MALRD1: variants seen among roughly 807,000 people sequenced by gnomAD.
MALRD1 encodes MAM and LDL receptor class A domain containing 1.
In MALRD1, 247 loss-of-function variants were observed where a neutral mutation model predicts 242.1. That is an observed-to-expected ratio of 1.02 (90% CI 0.92 to 1.13). MALRD1 has a LOEUF of 1.13. Ranked by LOEUF, MALRD1 falls within the 50% of genes most tolerant of loss-of-function variation. The pLI is 0.00. For synonymous variants in MALRD1, 995 were observed against 866.6 expected, an observed-to-expected ratio of 1.15 and a Z score of -2.60; for missense variants, 2,989 against 2,533.1, an observed-to-expected ratio of 1.18 and a Z score of -3.86.
intron 36 of MALRD1, among the ~76,000 whole-genome samples, chr10:19,674,212 A>G (rs1268879105): frequency 6.6e-6 from 1 of 152,176 alleles, no homozygotes; most frequent in Non-Finnish European, 1.5e-5. Context: ...GAATGGCGTA[A>G]CCTCATCTCC....
At chr10:19,312,263 A>G (rs1033222968) in intron 21 of MALRD1, among the ~76,000 whole-genome samples, 2 of 151,244 alleles carry the variant, frequency 1.3e-5, no homozygotes, top group African/African-American at 4.8e-5. Context: ...GAATGTTTAT[A>G]TCCAAGGGTC....
chr10:19,503,106 A>C (rs1314304412), intron 31 of MALRD1, among the ~76,000 whole-genome samples: 1 of 152,212 alleles, frequency 6.6e-6, no homozygotes, highest in Non-Finnish European at 1.5e-5. Context: ...CTTGTTAATC[A>C]CTACTTGAGA....
chr10:19,605,899 C>G (rs1409735), intron 34 of MALRD1, among the ~76,000 whole-genome samples: 1 of 152,002 alleles, frequency 6.6e-6, no homozygotes. Flanking sequence ...ATTCTCAGTT[C>G]TAAGACACTG....
chr10:19,728,207 C>A (rs552864055), intron 38 of MALRD1, among the ~76,000 whole-genome samples: 1 of 152,234 alleles, frequency 6.6e-6, no homozygotes, highest in Non-Finnish European at 1.5e-5. Context: ...CACTGAAACC[C>A]TTTCTTCTTT....
chr10:19,176,276 T>A (rs1835227767), intron 14 of MALRD1, among the ~76,000 whole-genome samples: 1 of 151,816 alleles, frequency 6.6e-6, no homozygotes, highest in Non-Finnish European at 1.5e-5. Flanking sequence ...TTGGGTCACA[T>A]GATTCTGGAT....
At chr10:19,256,951 A>G (rs1014849497) in intron 18 of MALRD1, among the ~76,000 whole-genome samples, 3 of 152,120 alleles carry the variant, frequency 2.0e-5, no homozygotes, top group African/African-American at 7.2e-5. Flanking sequence ...GTAAGCATGC[A>G]AGACATTTGC....
At chr10:19,620,019 A>AATAATAATAAT (rs564333226) in intron 36 of MALRD1, among the ~76,000 whole-genome samples, 2,517 of 58,492 alleles carry the variant, frequency 0.043, 33 homozygotes, top group East Asian at 0.086. Flanking sequence ...TAATAATAAT[A>AATAATAATAAT]AATAATAATA....
At chr10:19,619,723 TATTA>T (rs1292275449) in intron 36 of MALRD1, among the ~76,000 whole-genome samples, 16 of 152,278 alleles carry the variant, frequency 1.1e-4, no homozygotes, top group East Asian at 9.7e-4. Context: ...TTTTTCTAGC[TATTA>T]ATTCTTATTT....
intron 5 of MALRD1, among the ~76,000 whole-genome samples, chr10:19,108,401 T>C (rs1215783973): frequency 6.8e-5 from 1 of 14,696 alleles, no homozygotes; most frequent in Admixed American, 7.6e-4. Flanking sequence ...TTTTTTTTTT[T>C]TTTTTTTTTT....
At chr10:19,449,200 C>T (rs1434582071) in intron 28 of MALRD1, among the ~76,000 whole-genome samples, 4 of 152,110 alleles carry the variant, frequency 2.6e-5, no homozygotes, top group African/African-American at 7.2e-5. Flanking sequence ...TATTTTGAGG[C>T]AGAGTCTCAC....
At chr10:19,379,263 ACTG>A (rs1345038193) in intron 26 of MALRD1, among the ~76,000 whole-genome samples, 2 of 152,042 alleles carry the variant, frequency 1.3e-5, no homozygotes, top group Non-Finnish European at 2.9e-5. Context: ...TTTTGGTTGA[ACTG>A]CTGTTTTTCA....
chr10:19,349,713 A>T (rs1015280058), intron 25 of MALRD1, among the ~76,000 whole-genome samples: 1 of 152,204 alleles, frequency 6.6e-6, no homozygotes, highest in Non-Finnish European at 1.5e-5. Flanking sequence ...AGCTTTATAC[A>T]TCTATAGATA....
chr10:19,715,966 C>A (rs888984917), intron 38 of MALRD1, among the ~76,000 whole-genome samples: 8 of 151,228 alleles, frequency 5.3e-5, no homozygotes, highest in African/African-American at 2.0e-4. Context: ...GGCCCACTTT[C>A]CAACATTGGA....
chr10:19,517,778 C>G (rs1229648685), intron 31 of MALRD1, among the ~76,000 whole-genome samples: 1 of 152,082 alleles, frequency 6.6e-6, no homozygotes, highest in Non-Finnish European at 1.5e-5. Flanking sequence ...TTGAGGAGCT[C>G]AAATTTAAGA....
chr10:19,069,244 G>T (rs1733991924), intron 2 of MALRD1, among the ~76,000 whole-genome samples: 1 of 151,928 alleles, frequency 6.6e-6, no homozygotes, highest in Non-Finnish European at 1.5e-5. Context: ...TTTAAATGAG[G>T]ATATTAGAGC....
At chr10:19,399,830 A>G (rs1203905091) in intron 28 of MALRD1, among the ~76,000 whole-genome samples, 3 of 152,152 alleles carry the variant, frequency 2.0e-5, no homozygotes, top group Admixed American at 6.6e-5. Flanking sequence ...AGAAGTCAGG[A>G]ATATTTTCTG....
chr10:19,204,484 C>G (rs1836702065), intron 16 of MALRD1, 71 bp downstream of exon 16: 1 of 1,005,406 alleles, frequency 9.9e-7, no homozygotes, highest in Admixed American at 2.8e-5. Flanking sequence ...GCAGGCATAC[C>G]TCTGCACTTA....
intron 28 of MALRD1, among the ~76,000 whole-genome samples, chr10:19,392,091 A>T (rs1484406957): frequency 6.6e-6 from 1 of 152,238 alleles, no homozygotes; most frequent in Non-Finnish European, 1.5e-5. Flanking sequence ...AGCCTCATTT[A>T]TATGGGGTAA....
intron 36 of MALRD1, among the ~76,000 whole-genome samples, chr10:19,618,645 C>A (rs761374540): frequency 6.6e-6 from 1 of 152,036 alleles, no homozygotes; most frequent in African/African-American, 2.4e-5. Flanking sequence ...CAAAAAATGT[C>A]TTTTCATGTC....
Sources: gnomAD v4.1 joint callset for allele counts (sites outside exome capture counted in the v4.1 genomes callset) on GRCh38, gnomAD v4.1.1 for gene constraint, MANE v1.5 for transcripts, NCBI Gene and HGNC (gene_info 2026-07-23, HGNC 2026-07-21) for gene names.